KCNT1: variants seen among roughly 807,000 people sequenced by gnomAD.
KCNT1 encodes potassium sodium-activated channel subfamily T member 1, also known as potassium channel subfamily T member 1.
Under a neutral mutation model 147.8 loss-of-function variants are expected in KCNT1, and 78 were observed. That is an observed-to-expected ratio of 0.53 (90% CI 0.44 to 0.64). The LOEUF (loss-of-function observed/expected upper bound fraction) is 0.64, where lower values mean the gene tolerates loss of function less well. KCNT1 is among the 30% of genes least tolerant of loss of function. KCNT1 has a pLI of 0.00. For synonymous variants in KCNT1, 867 were observed against 748.8 expected (o/e 1.16, Z -2.58); for missense variants, 1,419 against 1,750.3 (o/e 0.81, Z 3.38).
In KCNT1 at chr9:135,783,902, A is replaced by G. The variant is rs867083528; in HGVS notation, c.2842-122A>G. On this transcript the variant is annotated intron_variant, in intron 24 of 30. Coordinates refer to ENST00000371757, the MANE Select transcript of KCNT1 (RefSeq NM_020822.3). The stretch of plus-strand genomic sequence containing the variant: ...CACGTGGACACACACACCATGCACA[A>G]ATGTGCACACAGGTATCATGCACAC... 8.3e-6 allele frequency: 6 copies of G among 721,810 alleles called. No individual in the cohort carries two copies. The Admixed American group carries it at 1.2e-4, about 14-fold the overall frequency. 44.7% of individuals were successfully genotyped at this position (721,810 alleles called of 1,614,324 possible).
At chr9:135,704,780 A>G (rs1286740095) in intron 1 of KCNT1, among the ~76,000 whole-genome samples, 2 of 152,214 alleles carry the variant, frequency 1.3e-5, no homozygotes, top group Non-Finnish European at 2.9e-5. Context: ...CCAGCCCTCC[A>G]GGCCCATATT....
intron 2 of KCNT1, among the ~76,000 whole-genome samples, chr9:135,728,612 G>C (rs922336336): frequency 6.6e-6 from 1 of 152,232 alleles, no homozygotes; most frequent in Non-Finnish European, 1.5e-5. Flanking sequence ...GCCCACGGAG[G>C]GGCAGAGAGC....
intron 2 of KCNT1, among the ~76,000 whole-genome samples, chr9:135,749,432 G>A (rs1340666985): frequency 6.6e-6 from 1 of 152,236 alleles, no homozygotes; most frequent in Admixed American, 6.5e-5. Flanking sequence ...GTGCATGGGG[G>A]TTGAGGGGTG....
At chr9:135,745,293 T>A (rs2131393513) in intron 2 of KCNT1, among the ~76,000 whole-genome samples, 1 of 152,144 alleles carries the variant, frequency 6.6e-6, no homozygotes, top group South Asian at 2.1e-4. Flanking sequence ...TTCTCGGTCA[T>A]CTCCCACCTC....
At chr9:135,761,457 C>T (rs1324985088) in intron 11 of KCNT1, among the ~76,000 whole-genome samples, 5 of 152,234 alleles carry the variant, frequency 3.3e-5, no homozygotes, top group East Asian at 1.9e-4. Flanking sequence ...GGGGGCACTC[C>T]GTGCAGTGAC....
intron 2 of KCNT1, among the ~76,000 whole-genome samples, chr9:135,742,528 C>T (rs1005942729): frequency 6.6e-6 from 1 of 152,220 alleles, no homozygotes; most frequent in Admixed American, 6.5e-5. Flanking sequence ...AGGCTTGGCT[C>T]AGTGCCCCCA....
chr9:135,762,477 A>G (rs1186022275), intron 11 of KCNT1, among the ~76,000 whole-genome samples: 1 of 152,094 alleles, frequency 6.6e-6, no homozygotes, highest in African/African-American at 2.4e-5. Context: ...GCCAGGCACA[A>G]TGGGTCCTGC....
At chr9:135,757,595 C>T (rs1220763746) in intron 9 of KCNT1, among the ~76,000 whole-genome samples, 2 of 152,186 alleles carry the variant, frequency 1.3e-5, no homozygotes, top group African/African-American at 4.8e-5. Context: ...AAACTCAATC[C>T]CAGAGCTTTT....
intron 13 of KCNT1, 42 bp from the exon 14 acceptor site, chr9:135,768,568 C>CT: frequency 6.6e-7 from 1 of 1,525,038 alleles, no homozygotes; most frequent in Non-Finnish European, 8.9e-7. Flanking sequence ...GCACTGCCCA[C>CT]CTCCCCTGCT....
intron 24 of KCNT1, among the ~76,000 whole-genome samples, chr9:135,780,731 C>T (rs1833551024): frequency 6.6e-6 from 1 of 152,214 alleles, no homozygotes; most frequent in Admixed American, 6.5e-5. Flanking sequence ...CCCCAGTCCC[C>T]GGCTCAGCCG....
At chr9:135,702,624 C>T (rs1379648363) in intron 1 of KCNT1, among the ~76,000 whole-genome samples, 2 of 152,114 alleles carry the variant, frequency 1.3e-5, no homozygotes, top group African/African-American at 2.4e-5. Flanking sequence ...CTGGGGGGAG[C>T]GGCCGTGGCT....
chr9:135,706,990 C>T (rs1248007757), intron 1 of KCNT1, among the ~76,000 whole-genome samples: 2 of 151,670 alleles, frequency 1.3e-5, no homozygotes, highest in Admixed American at 1.3e-4. Context: ...CCTCAGTTCC[C>T]AGACAGGCCC....
At position 135,766,202 on chromosome 9, in the gene KCNT1, G is replaced by A. The variant is rs181891195; in HGVS notation, c.1337+442G>A. 4.8e-3 allele frequency among the ~76,000 whole-genome samples: 729 copies of A among 152,038 alleles called. 2 individuals carry two copies. The highest frequency in any genetic ancestry group is 7.8e-3 in the Non-Finnish European group (529 of 67,956). On this transcript the variant is annotated intron_variant, in intron 13 of 30. Coordinates refer to ENST00000371757, the MANE Select transcript of KCNT1 (RefSeq NM_020822.3). The stretch of plus-strand genomic sequence containing the variant: ...CATCTGGGGTGAACTGTCCAGGGGG[G>A]ACCATCCAGGGTGGGTCATCTGGGA...
Position 135,775,367 on chromosome 9 carries a change from C to T in KCNT1, c.2301C>T (p.Cys767=). Reference sequence around the variant, plus strand: ...ACATCGGCAGCTCCCCAACCCTGTGCCACCTCCTGCCTGTGAAAGCCCCCT... The same window carrying T: ...ACATCGGCAGCTCCCCAACCCTGTGTCACCTCCTGCCTGTGAAAGCCCCCT... ...SPYIGSSPTL[C]HLLPVKAPFC... is the part of the protein sequence containing the mutation. Residue 767 remains cysteine (C), a synonymous_variant, in exon 20 of 31, where the codon TGC becomes TGT. Transcript: ENST00000371757. The T allele has an allele frequency of 6.2e-7, 1 of 1,611,080 alleles. No homozygotes were observed. The highest frequency in any genetic ancestry group is 8.5e-7 in the Non-Finnish European group (1 of 1,178,618).
At chr9:135,734,934 C>T in intron 2 of KCNT1, among the ~76,000 whole-genome samples, 1 of 152,156 alleles carries the variant, frequency 6.6e-6, no homozygotes, top group Middle Eastern at 3.2e-3. Context: ...AGGGGTGGTG[C>T]GGGGCTCCGC....
chr9:135,727,163 T>C (rs1013151630), intron 2 of KCNT1, among the ~76,000 whole-genome samples: 8 of 9,944 alleles, frequency 8.0e-4, no homozygotes, highest in Middle Eastern at 0.12. Context: ...CCCCCCTCCC[T>C]CCCCCCTTTC....
intron 21 of KCNT1, 142 bp downstream of exon 21, chr9:135,777,652 T>A: frequency 1.3e-6 from 1 of 768,832 alleles, no homozygotes; most frequent in Non-Finnish European, 2.1e-6. Flanking sequence ...TCAGCTTTCC[T>A]AAAAAGGGGG....
intron 11 of KCNT1, among the ~76,000 whole-genome samples, chr9:135,764,133 C>T (rs10125056): frequency 0.015 from 2,233 of 152,224 alleles, 58 homozygotes; most frequent in African/African-American, 0.048. Flanking sequence ...GCCCACAGTC[C>T]ATGGGAGCTC....
At chr9:135,763,955 G>A (rs572943442) in intron 11 of KCNT1, among the ~76,000 whole-genome samples, 132 of 152,274 alleles carry the variant, frequency 8.7e-4, no homozygotes, top group Middle Eastern at 6.8e-3. Context: ...AGCACCATCC[G>A]CGGGGAAGCC....
Sources: allele counts gnomAD v4.1 joint callset (sites outside exome capture counted in the v4.1 genomes callset), GRCh38; gene constraint gnomAD v4.1.1; transcripts MANE v1.5; gene names NCBI Gene and HGNC (gene_info 2026-07-23, HGNC 2026-07-21).